The following CDC73 variants were observed in gnomAD, a reference collection of about 807,000 sequenced individuals.
CDC73 encodes the protein cell division cycle 73.
CDC73 carries 21 observed loss-of-function variants against 83.7 expected under a neutral mutation model. The observed-to-expected ratio is 0.25, with a 90% confidence interval of 0.18 to 0.36. CDC73 has a LOEUF of 0.36. CDC73 is among the 10% of genes least tolerant of loss of function. CDC73 has a pLI of 1.00. For synonymous variants in CDC73, 224 were observed against 212.9 expected (o/e 1.05, Z -0.45); for missense variants, 342 against 653.3 (o/e 0.52, Z 5.19).
At chr1:193,166,378 C>T (rs952690226) in intron 10 of CDC73, among the ~76,000 whole-genome samples, 3 of 152,102 alleles carry the variant, frequency 2.0e-5, no homozygotes, top group Non-Finnish European at 4.4e-5. Context: ...TGGTCTCTAA[C>T]GATCCTCCTG....
In CDC73 at chr1:193,138,225, A is replaced by G. The variant is rs373675439; in HGVS notation, c.512+52A>G. ...AGGTAGTTTAGATATATGTAAAAGTATAAGGAAAAGGAATATTAAAATGCT... is the reference window on the plus strand; with the variant it reads ...AGGTAGTTTAGATATATGTAAAAGTGTAAGGAAAAGGAATATTAAAATGCT... On this transcript the variant is annotated intron_variant, in intron 6 of 16. Coordinates refer to ENST00000367435, the MANE Select transcript of CDC73 (RefSeq NM_024529.5). 98 of 1,186,820 alleles carry G rather than the reference A, an allele frequency of 8.3e-5. No homozygotes were observed. The African/African-American group carries it at 1.0e-3, about 13-fold the overall frequency. The allele number at this position is 1,186,820 out of a possible 1,614,324, so 73.5% of individuals were successfully genotyped here. A position where few individuals can be genotyped will look rare whatever the true frequency, so the allele number is the denominator to read the frequency against.
intron 13 of CDC73, among the ~76,000 whole-genome samples, chr1:193,222,279 A>T (rs1056547421): frequency 6.6e-6 from 1 of 152,182 alleles, no homozygotes; most frequent in African/African-American, 2.4e-5. Flanking sequence ...CTCAGACGCT[A>T]TGTAGAGGGT....
At chr1:193,203,272 A>C (rs1270445050) in intron 10 of CDC73, among the ~76,000 whole-genome samples, 1 of 152,126 alleles carries the variant, frequency 6.6e-6, no homozygotes, top group East Asian at 1.9e-4. Context: ...CTTAATTCAA[A>C]TGTAACATCT....
chr1:193,149,864 G>T (rs1676075422), intron 8 of CDC73, among the ~76,000 whole-genome samples: 3 of 152,070 alleles, frequency 2.0e-5, no homozygotes, highest in Non-Finnish European at 4.4e-5. Flanking sequence ...TACGTCTTCA[G>T]TCTTACTCTG....
chr1:193,138,023 C>T (rs144787119), intron 5 of CDC73, 62 bp from the exon 6 acceptor site: 13 of 1,193,332 alleles, frequency 1.1e-5, no homozygotes, highest in South Asian at 3.6e-5. Context: ...TTACATGTAG[C>T]GTTTTTTCTT....
chr1:193,235,517 GGC>G (rs1677742014), intron 14 of CDC73, among the ~76,000 whole-genome samples: 2 of 151,932 alleles, frequency 1.3e-5, no homozygotes, highest in Non-Finnish European at 2.9e-5. Context: ...TTTAGTTATT[GGC>G]TTTAACTGTT....
chr1:193,146,145 C>T (rs10921319), intron 7 of CDC73, among the ~76,000 whole-genome samples: 94,819 of 151,910 alleles, frequency 0.62, 30,040 homozygotes, highest in South Asian at 0.77. Flanking sequence ...ATGAGGGCAG[C>T]GACCATGTCT....
At chr1:193,203,692 A>C in intron 10 of CDC73, 103 bp from the exon 11 acceptor site, 1 of 966,336 alleles carries the variant, frequency 1.0e-6, no homozygotes, top group Non-Finnish European at 1.6e-6. Context: ...AGTGAGAAAA[A>C]CAGAACAAGA....
intron 10 of CDC73, among the ~76,000 whole-genome samples, chr1:193,195,363 C>T (rs1676984131): frequency 6.6e-6 from 1 of 151,942 alleles, no homozygotes; most frequent in African/African-American, 2.4e-5. Context: ...TAAATGACAT[C>T]CCATTGTGTA....
chr1:193,226,883 A>G (rs1313396181), intron 13 of CDC73, among the ~76,000 whole-genome samples: 1 of 152,142 alleles, frequency 6.6e-6, no homozygotes, highest in African/African-American at 2.4e-5. Context: ...ATAGCGTCAA[A>G]AGGATTGGTA....
At chr1:193,134,524 A>C (rs1675754557) in intron 3 of CDC73, among the ~76,000 whole-genome samples, 1 of 152,124 alleles carries the variant, frequency 6.6e-6, no homozygotes, top group South Asian at 2.1e-4. Flanking sequence ...CAAAAAAATT[A>C]GCCGGGCGTG....
intron 1 of CDC73, 25 bp downstream of exon 1, chr1:193,122,356 A>G (rs1572139943): frequency 1.9e-6 from 3 of 1,613,808 alleles, no homozygotes; most frequent in African/African-American, 2.7e-5. Context: ...GCTGTGGCCC[A>G]GGGGTGGCAG....
intron 2 of CDC73, among the ~76,000 whole-genome samples, chr1:193,127,203 G>A (rs1039627901): frequency 1.3e-5 from 2 of 152,006 alleles, no homozygotes; most frequent in African/African-American, 4.8e-5. Flanking sequence ...GGGCCCAGGA[G>A]GTTGAGGCTG....
chr1:193,236,215 G>T, intron 14 of CDC73, 41 bp from the exon 15 acceptor site: 2 of 1,168,446 alleles, frequency 1.7e-6, no homozygotes, highest in Non-Finnish European at 2.6e-6. Flanking sequence ...AATAATCTCC[G>T]TCTGTCCCCT....
Position 193,156,718 on chromosome 1 carries a change from T to A in CDC73, c.972+4274T>A, listed in dbSNP as rs1044347028. 2.6e-5 allele frequency among the ~76,000 whole-genome samples: 4 copies of A among 152,148 alleles called. No individual in the cohort carries two copies. In the South Asian group the frequency reaches 8.3e-4, roughly 31 times the overall value. ...TCTGCTTGAAGTGTTACGGGAGTGCTATAGTAGCAGTAATGTTCTGGAGTT... is the reference window on the plus strand; with the variant it reads ...TCTGCTTGAAGTGTTACGGGAGTGCAATAGTAGCAGTAATGTTCTGGAGTT... On this transcript the variant is annotated intron_variant, in intron 10 of 16. Transcript: ENST00000367435.
chr1:193,219,955 A>C (rs888382179), intron 13 of CDC73, among the ~76,000 whole-genome samples: 9 of 152,182 alleles, frequency 5.9e-5, no homozygotes, highest in Non-Finnish European at 1.2e-4. Flanking sequence ...AATCCAGAAC[A>C]AAGCAAAGTC....
At chr1:193,165,537 A>T (rs1003978770) in intron 10 of CDC73, among the ~76,000 whole-genome samples, 5 of 152,222 alleles carry the variant, frequency 3.3e-5, no homozygotes, top group Non-Finnish European at 5.9e-5. Context: ...GAAAGACGTG[A>T]AGATACATAC....
intron 3 of CDC73, among the ~76,000 whole-genome samples, chr1:193,134,049 G>A (rs1406657255): frequency 2.6e-5 from 4 of 151,920 alleles, no homozygotes; most frequent in African/African-American, 9.7e-5. Flanking sequence ...TGAAGAATTG[G>A]CAGCAGTCTA....
rs372960322 is a variant in CDC73, at chr1:193,181,413, T to C, written c.973-22382T>C. 23 of 1,613,928 alleles carry C rather than the reference T, an allele frequency of 1.4e-5. No homozygotes were observed. In the African/African-American group the frequency reaches 2.8e-4, roughly 20 times the overall value. On this transcript the variant is annotated intron_variant, in intron 10 of 16. Transcript: ENST00000367435. ...GGTTTTCTTTGAATCCAGCTCTGCC[T>C]GGCAGCCAGTCATGATGATTGAAAA...
Sources: gnomAD v4.1 joint callset for allele counts (sites outside exome capture counted in the v4.1 genomes callset) on GRCh38, gnomAD v4.1.1 for gene constraint, MANE v1.5 for transcripts, NCBI Gene and HGNC (gene_info 2026-07-23, HGNC 2026-07-21) for gene names.